MCTP1: variants seen among roughly 807,000 people sequenced by gnomAD.
MCTP1 encodes multiple C2 and transmembrane domain containing 1.
Under a neutral mutation model 120.6 loss-of-function variants are expected in MCTP1, and 69 were observed. That is an observed-to-expected ratio of 0.57 (90% CI 0.47 to 0.70). The LOEUF is 0.70. MCTP1 is among the 30% of genes least tolerant of loss of function. The pLI is 0.00. For synonymous variants in MCTP1, 529 were observed against 493.1 expected, an observed-to-expected ratio of 1.07 and a Z score of -0.96; for missense variants, 1,203 against 1,248.8, an observed-to-expected ratio of 0.96 and a Z score of 0.55.
At position 95,244,257 on chromosome 5, in the gene MCTP1, A is replaced by G. The variant is rs1400023979; in HGVS notation, c.720+39599T>C. ...GTATATCGGTCTATAGCTCCCAGCA[A>G]GATCGACGCAGATGACAGGTGATTT... On this transcript the variant is annotated intron_variant, in intron 1 of 22. Transcript: ENST00000515393. 4.6e-5 allele frequency among the ~76,000 whole-genome samples: 7 copies of G among 152,356 alleles called. No homozygotes were observed. In the East Asian group the frequency reaches 1.4e-3, roughly 29 times the overall value.
At chr5:94,715,582 A>T (rs1054308054) in intron 19 of MCTP1, among the ~76,000 whole-genome samples, 1 of 152,146 alleles carries the variant, frequency 6.6e-6, no homozygotes, top group Non-Finnish European at 1.5e-5. Context: ...GAATTTAAGC[A>T]AAGCTGGTGT....
chr5:94,932,319 G>A (rs1814957391), intron 5 of MCTP1, among the ~76,000 whole-genome samples: 1 of 151,684 alleles, frequency 6.6e-6, no homozygotes, highest in South Asian at 2.1e-4. Flanking sequence ...TTTGGTGGTG[G>A]AGGTTGAGGT....
chr5:95,076,943 G>C (rs1753730330), intron 1 of MCTP1, among the ~76,000 whole-genome samples: 1 of 151,996 alleles, frequency 6.6e-6, no homozygotes, highest in African/African-American at 2.4e-5. Flanking sequence ...AATATTTTCT[G>C]TATTCCCTCC....
chr5:94,758,742 A>AT (rs1339927117), intron 19 of MCTP1, among the ~76,000 whole-genome samples: 1 of 152,148 alleles, frequency 6.6e-6, no homozygotes, highest in Non-Finnish European at 1.5e-5. Context: ...CACCTGGATA[A>AT]TTTTTTATTA....
intron 19 of MCTP1, among the ~76,000 whole-genome samples, chr5:94,721,048 T>C (rs1402881808): frequency 6.6e-6 from 1 of 152,156 alleles, no homozygotes; most frequent in Non-Finnish European, 1.5e-5. Flanking sequence ...GACCTTCCTA[T>C]TCAATCCAGG....
intron 17 of MCTP1, among the ~76,000 whole-genome samples, chr5:94,833,547 A>ATTTT (rs2153170402): frequency 6.6e-6 from 1 of 152,290 alleles, no homozygotes; most frequent in East Asian, 1.9e-4. Flanking sequence ...TGGAAAAAAC[A>ATTTT]AATTTGTTTT....
At chr5:95,239,058 A>G (rs983755764) in intron 1 of MCTP1, among the ~76,000 whole-genome samples, 4 of 152,170 alleles carry the variant, frequency 2.6e-5, no homozygotes, top group African/African-American at 9.6e-5. Flanking sequence ...GATTTTCTCA[A>G]AAAGGGGAGA....
At chr5:94,954,025 T>TATATATACAAATATATATATGC (rs1821605169) in intron 2 of MCTP1, among the ~76,000 whole-genome samples, 3 of 69,484 alleles carry the variant, frequency 4.3e-5, no homozygotes, top group Admixed American at 1.7e-4. Context: ...TATATATGCA[T>TATATATACAAATATATATATGC]ATATATACAA....
intron 19 of MCTP1, among the ~76,000 whole-genome samples, chr5:94,717,792 A>G (rs1028304059): frequency 5.9e-5 from 9 of 152,166 alleles, no homozygotes; most frequent in African/African-American, 2.2e-4. Flanking sequence ...AGAATAAAAT[A>G]CCTAGGAATA....
At chr5:95,083,859 G>A (rs1755225809) in intron 1 of MCTP1, among the ~76,000 whole-genome samples, 1 of 152,076 alleles carries the variant, frequency 6.6e-6, no homozygotes, top group Non-Finnish European at 1.5e-5. Flanking sequence ...CATAAACGGT[G>A]GAAGCGTTAA....
intron 17 of MCTP1, among the ~76,000 whole-genome samples, chr5:94,812,021 T>A (rs1783527138): frequency 6.6e-6 from 1 of 152,194 alleles, no homozygotes; most frequent in South Asian, 2.1e-4. Flanking sequence ...AGCCACACGG[T>A]ACTGATGTAC....
At chr5:95,255,644 C>T (rs929509178) in intron 1 of MCTP1, among the ~76,000 whole-genome samples, 1 of 152,042 alleles carries the variant, frequency 6.6e-6, no homozygotes, top group African/African-American at 2.4e-5. Flanking sequence ...CTGATGTTAA[C>T]CCTTTTCTTA....
intron 1 of MCTP1, among the ~76,000 whole-genome samples, chr5:95,191,230 T>C (rs553946598): frequency 5.3e-5 from 8 of 151,948 alleles, no homozygotes; most frequent in Non-Finnish European, 1.2e-4. Flanking sequence ...ACATGAAAAA[T>C]ATCTGTGTTT....
intron 1 of MCTP1, among the ~76,000 whole-genome samples, chr5:95,242,796 C>G (rs987267585): frequency 6.6e-6 from 1 of 152,066 alleles, no homozygotes; most frequent in Non-Finnish European, 1.5e-5. Context: ...CTAGAGCCAT[C>G]AAAATGTTTG....
chr5:94,863,329 C>T (rs192437334), intron 17 of MCTP1, among the ~76,000 whole-genome samples: 9 of 151,646 alleles, frequency 5.9e-5, no homozygotes, highest in Admixed American at 1.3e-4. Context: ...TTTCTGCTAG[C>T]GCTAAAAAAA....
chr5:95,250,529 G>T (rs948594598), intron 1 of MCTP1, among the ~76,000 whole-genome samples: 1 of 152,140 alleles, frequency 6.6e-6, no homozygotes, highest in Non-Finnish European at 1.5e-5. Context: ...ATAATGCAAA[G>T]AAAATAAGAT....
At chr5:95,024,648 T>TACACAC (rs111890273) in intron 1 of MCTP1, among the ~76,000 whole-genome samples, 25,815 of 146,114 alleles carry the variant, frequency 0.18, 2,533 homozygotes, top group East Asian at 0.42. Context: ...GGCATTCAAA[T>TACACAC]ACACACACAC....
chr5:94,902,558 ATG>A (rs1285840173), intron 10 of MCTP1, among the ~76,000 whole-genome samples: 2 of 152,304 alleles, frequency 1.3e-5, no homozygotes, highest in East Asian at 3.9e-4. Flanking sequence ...TGAATAATAC[ATG>A]TATGAAGCTT....
chr5:95,221,584 A>C (rs1022778404), intron 1 of MCTP1, among the ~76,000 whole-genome samples: 9 of 152,206 alleles, frequency 5.9e-5, no homozygotes. Flanking sequence ...CACCACTACC[A>C]TGCTTCTCTC....
Sources: allele counts gnomAD v4.1 joint callset (sites outside exome capture counted in the v4.1 genomes callset), GRCh38; gene constraint gnomAD v4.1.1; transcripts MANE v1.5; gene names NCBI Gene and HGNC (gene_info 2026-07-23, HGNC 2026-07-21).